SPECC1: variants seen among roughly 807,000 people sequenced by gnomAD.
SPECC1 encodes the protein sperm antigen with calponin homology and coiled-coil domains 1.
A neutral mutation model predicts 104.1 loss-of-function variants in SPECC1; 62 were observed. The ratio of observed to expected loss-of-function variants is 0.60; its 90% CI spans 0.49 to 0.74. The LOEUF (loss-of-function observed/expected upper bound fraction) is 0.74. Ranked by LOEUF, SPECC1 falls within the 30% of genes least tolerant of loss-of-function variation. The pLI, the probability that SPECC1 is intolerant of heterozygous loss-of-function variation, is 0.00. For synonymous variants in SPECC1, 513 were observed against 501.6 expected (o/e 1.02, Z -0.30); for missense variants, 1,306 against 1,310.5 (o/e 1.00, Z 0.05).
intron 4 of SPECC1, among the ~76,000 whole-genome samples, chr17:20,223,638 A>G (rs1279472117): frequency 1.3e-5 from 2 of 151,722 alleles, no homozygotes; most frequent in African/African-American, 4.8e-5. Context: ...GTACCACTGC[A>G]CTCCAGCCTG....
At chr17:20,232,715 G>A (rs367895807) in intron 7 of SPECC1, among the ~76,000 whole-genome samples, 2 of 152,178 alleles carry the variant, frequency 1.3e-5, no homozygotes, top group Admixed American at 1.3e-4. Flanking sequence ...ATTTATTAAT[G>A]CAGGGGAGTG....
At chr17:20,135,139 T>C (rs1038152446) in intron 3 of SPECC1, among the ~76,000 whole-genome samples, 1 of 152,240 alleles carries the variant, frequency 6.6e-6, no homozygotes, top group Non-Finnish European at 1.5e-5. Context: ...TGAAAGTTTG[T>C]GCATGTTACT....
At position 20,227,512 on chromosome 17, in the gene SPECC1, G is replaced by A; in HGVS notation, c.1963G>A (p.Asp655Asn). 6.2e-7 allele frequency: 1 copy of A among 1,613,594 alleles called. No individual in the cohort carries two copies. Among genetic ancestry groups the A allele is most frequent in the Non-Finnish European group, 8.5e-7 (1 of 1,179,862 alleles). Reference sequence around the variant, plus strand: ...GCTGCAAGAAAAAGCATCAGAGAGTGATGCAGAGATCAAAGACATGAAAGA... The same window carrying A: ...GCTGCAAGAAAAAGCATCAGAGAGTAATGCAGAGATCAAAGACATGAAAGA... ...LKLQEKASES[D>N]AEIKDMKETI... The change falls in exon 5 of 15, where the codon GAT becomes AAT. Residue 655 changes from aspartate (D) to asparagine (N), a missense_variant. By Grantham distance (23) the Asp-to-Asn change is conservative (BLOSUM62 1). Transcript: ENST00000395527.
chr17:20,215,137 T>C (rs2151400892), intron 4 of SPECC1, among the ~76,000 whole-genome samples: 1 of 152,338 alleles, frequency 6.6e-6, no homozygotes, highest in South Asian at 2.1e-4. Context: ...CGGGGCCTCG[T>C]GCCTGAGGTC....
At chr17:20,233,129 T>C (rs949449610) in intron 7 of SPECC1, among the ~76,000 whole-genome samples, 4 of 152,256 alleles carry the variant, frequency 2.6e-5, no homozygotes, top group Non-Finnish European at 5.9e-5. Flanking sequence ...TTAGCTAATA[T>C]TATATTTACC....
rs558617233 is a variant in SPECC1 at position 20,204,594 on chromosome 17, G to T, written c.545G>T (p.Ser182Ile). Residue 182 changes from serine (S) to isoleucine (I), a missense_variant, in exon 4 of 15, where the codon AGT (serine) becomes ATT (isoleucine). Physicochemically the swap from Ser to Ile is moderately radical, Grantham distance 142. Transcript: ENST00000395527. ...TTGGCAGAAGCCAAAGCAAAAGATA[G>T]TGAAATTAACAGGCTTCGAAGTGAA... ...ELLAEAKAKD[S>I]EINRLRSELK... The T allele has an allele frequency of 1.9e-6, 3 of 1,614,218 alleles. No homozygotes were observed. Among genetic ancestry groups the T allele is most frequent in the Admixed American group, 1.7e-5 (1 of 60,022 alleles).
intron 13 of SPECC1, among the ~76,000 whole-genome samples, chr17:20,298,979 A>T (rs150161826): frequency 0.44 from 28,551 of 64,802 alleles, 6,062 homozygotes; most frequent in East Asian, 0.76. Flanking sequence ...GTGTATGTAG[A>T]GAGAGAGAGA....
intron 2 of SPECC1, among the ~76,000 whole-genome samples, chr17:20,105,832 G>C (rs1471563437): frequency 1.3e-5 from 2 of 152,314 alleles, no homozygotes; most frequent in South Asian, 2.1e-4. Context: ...ATGGAAGGGG[G>C]CAGGGCAAGC....
chr17:20,036,246 C>A lies in SPECC1; in HGVS notation c.-22+26822C>A, dbSNP rs57673732. Reference sequence around the variant, plus strand: ...CCTTGTTCAAGCAATTCTCGTGCCTCAGCCTCCCAAGTAGCTGGGTCTACA... The same window carrying A: ...CCTTGTTCAAGCAATTCTCGTGCCTAAGCCTCCCAAGTAGCTGGGTCTACA... On this transcript the variant is annotated intron_variant, in intron 1 of 14. Coordinates refer to ENST00000395527, the MANE Select transcript of SPECC1 (RefSeq NM_001243439.2). 2.6e-5 allele frequency among the ~76,000 whole-genome samples: 4 copies of A among 152,238 alleles called. No individual in the cohort carries two copies. The East Asian group carries it at 7.7e-4, about 29-fold the overall frequency.
intron 1 of SPECC1, among the ~76,000 whole-genome samples, chr17:20,084,168 G>T (rs2047088909): frequency 6.6e-6 from 1 of 152,156 alleles, no homozygotes; most frequent in Non-Finnish European, 1.5e-5. Flanking sequence ...TGTGACTCAC[G>T]CCTGTAATCC....
intron 4 of SPECC1, among the ~76,000 whole-genome samples, chr17:20,225,442 G>A (rs1251127514): frequency 6.6e-6 from 1 of 152,206 alleles, no homozygotes; most frequent in Non-Finnish European, 1.5e-5. Context: ...ATTCTCACTG[G>A]AATGGAAGAT....
At chr17:20,260,875 T>C (rs1370580759) in intron 12 of SPECC1, among the ~76,000 whole-genome samples, 1 of 152,132 alleles carries the variant, frequency 6.6e-6, no homozygotes, top group Non-Finnish European at 1.5e-5. Flanking sequence ...GACGGTTGTC[T>C]TGAGTCATGG....
At chr17:20,041,319 C>T (rs192520809) in intron 1 of SPECC1, among the ~76,000 whole-genome samples, 3 of 151,684 alleles carry the variant, frequency 2.0e-5, no homozygotes, top group Non-Finnish European at 2.9e-5. Flanking sequence ...CTCGGCTCAC[C>T]GCAACCTCCA....
At chr17:20,248,415 A>T (rs190430408) in intron 9 of SPECC1, among the ~76,000 whole-genome samples, 4 of 152,252 alleles carry the variant, frequency 2.6e-5, no homozygotes, top group Non-Finnish European at 5.9e-5. Context: ...ATCTTCTACA[A>T]ATTGATTCCT....
At chr17:20,290,808 A>G (rs2041139021) in intron 12 of SPECC1, among the ~76,000 whole-genome samples, 1 of 152,080 alleles carries the variant, frequency 6.6e-6, no homozygotes, top group African/African-American at 2.4e-5. Context: ...GAGCCCAAAA[A>G]CTATTCTTGA....
chr17:20,165,163 CG>C (rs1441820372), intron 3 of SPECC1, among the ~76,000 whole-genome samples: 3 of 152,162 alleles, frequency 2.0e-5, no homozygotes, highest in African/African-American at 7.2e-5. Context: ...TAAAGCCCCA[CG>C]TGCATTAGCT....
chr17:20,187,628 C>G (rs770236599), intron 3 of SPECC1, among the ~76,000 whole-genome samples: 1 of 152,170 alleles, frequency 6.6e-6, no homozygotes, highest in African/African-American at 2.4e-5. Context: ...GGACTTGATC[C>G]TAGACTTTCA....
At position 20,176,256 on chromosome 17, in the gene SPECC1, A is replaced by T. The variant is rs147572799; in HGVS notation, c.284-28077A>T. Reference sequence around the variant, plus strand: ...ATGAATGTTAATAAATGTTAAATAAATTATCAGAAAATGTTAGTTTCAAAA... The same window carrying T: ...ATGAATGTTAATAAATGTTAAATAATTTATCAGAAAATGTTAGTTTCAAAA... On this transcript the variant is annotated intron_variant, in intron 3 of 14. Coordinates refer to ENST00000395527, the MANE Select transcript of SPECC1 (RefSeq NM_001243439.2). 1.7e-3 allele frequency among the ~76,000 whole-genome samples: 266 copies of T among 152,318 alleles called. 2 individuals carry two copies. The highest frequency in any genetic ancestry group is 5.8e-3 in the African/African-American group (240 of 41,578).
intron 1 of SPECC1, among the ~76,000 whole-genome samples, chr17:20,035,421 T>A (rs1309151149): frequency 3.6e-4 from 55 of 152,200 alleles, no homozygotes; most frequent in Non-Finnish European, 6.8e-4. Context: ...ATAAGCATGG[T>A]ATATTTCACG....
Sources: gnomAD v4.1 joint callset for allele counts (sites outside exome capture counted in the v4.1 genomes callset) on GRCh38, gnomAD v4.1.1 for gene constraint, MANE v1.5 for transcripts, NCBI Gene and HGNC (gene_info 2026-07-23, HGNC 2026-07-21) for gene names.